The following GABPB2 variants were observed in gnomAD, a reference collection of about 807,000 sequenced individuals.
GABPB2 encodes GA-binding protein subunit beta-2.
In GABPB2, 23 loss-of-function variants were observed where a neutral mutation model predicts 39.1. The observed-to-expected ratio is 0.59, with a 90% CI of 0.42 to 0.83. The LOEUF (loss-of-function observed/expected upper bound fraction) is 0.83. Ranked by LOEUF, GABPB2 falls within the 40% of genes least tolerant of loss-of-function variation. GABPB2 has a pLI of 0.00. For missense variants in GABPB2, 467 were observed against 541.1 expected (o/e 0.86, Z 1.36); for synonymous variants, 184 against 199.3 (o/e 0.92, Z 0.65).
In GABPB2 at chr1:151,107,113, G is replaced by A. The variant is rs1196502204; in HGVS notation, c.813G>A (p.Arg271=). 3 of 1,612,890 alleles carry A rather than the reference G, an allele frequency of 1.9e-6. No individual in the cohort carries two copies. The African/African-American group carries it at 4.0e-5, about 22-fold the overall frequency. Residue 271 remains arginine (R), a synonymous_variant, in exon 7 of 9, where the codon AGG becomes AGA. Transcript: ENST00000368918. ...AAGTAATGGGGAGTGGAGGCCAGAG[G>A]GTCATCACCATAGTGACTGATGGAG... ...IQQVMGSGGQ[R]VITIVTDGVP...
chr1:151,091,858 C>T (rs1343356293), intron 3 of GABPB2, among the ~76,000 whole-genome samples: 1 of 152,084 alleles, frequency 6.6e-6, no homozygotes, highest in Non-Finnish European at 1.5e-5. Flanking sequence ...TAGCTCACTG[C>T]AGTTTTCAAC....
chr1:151,072,846 A>G (rs749648699), intron 1 of GABPB2, among the ~76,000 whole-genome samples: 3 of 151,570 alleles, frequency 2.0e-5, no homozygotes, highest in African/African-American at 4.9e-5. Flanking sequence ...AAACTCCATC[A>G]CAAACAAACA....
intron 1 of GABPB2, among the ~76,000 whole-genome samples, chr1:151,075,573 A>G: frequency 6.6e-6 from 1 of 150,414 alleles, no homozygotes; most frequent in Admixed American, 6.6e-5. Flanking sequence ...CAAAAAAAAA[A>G]AAAAAAAAAA....
rs149724326 is a variant in GABPB2, at chr1:151,086,926, C to T, written c.1-1264C>T. Among the ~76,000 whole-genome samples the T allele has an allele frequency of 2.0e-5, 3 of 152,322 alleles. No individual in the cohort carries two copies. In the East Asian group the frequency reaches 5.8e-4, roughly 29 times the overall value. ...CTGGAGTGCAGTGGTGCGATCTCAG[C>T]TCATTGCAACATCCACCTCCCAGGT... On this transcript the variant is annotated intron_variant, in intron 1 of 8. Transcript: ENST00000368918.
At chr1:151,088,951 G>T (rs1358290566) in intron 2 of GABPB2, among the ~76,000 whole-genome samples, 1 of 151,422 alleles carries the variant, frequency 6.6e-6, no homozygotes, top group Non-Finnish European at 1.5e-5. Flanking sequence ...AGTGAGCGGA[G>T]ATTGCACCAT....
intron 1 of GABPB2, among the ~76,000 whole-genome samples, chr1:151,074,400 TC>T (rs1189699260): frequency 4.6e-5 from 7 of 151,142 alleles, no homozygotes; most frequent in African/African-American, 1.7e-4. Context: ...AAGCTCCACT[TC>T]CTGGGTTCAC....
At position 151,119,920 on chromosome 1, in the gene GABPB2, C is replaced by CAA. The variant is rs752685829; in HGVS notation, c.*1678_*1679dup. 5.3e-5 allele frequency: 5 copies of CAA among 94,150 alleles called. No individual in the cohort carries two copies. The highest frequency in any genetic ancestry group is 3.0e-4 in the East Asian group (1 of 3,302). The allele number at this position is 94,150 out of a possible 1,614,324, so 5.8% of individuals were successfully genotyped here. ...TGGGCAACAGAGCCAGACTCTGTCT[C>CAA]AAAAAAAAAAAAAAAGGAAATTGAA... On this transcript the variant is annotated 3_prime_UTR_variant, in exon 9 of 9. Transcript: ENST00000368918.
At chr1:151,095,107 T>A (rs1003874982) in intron 4 of GABPB2, among the ~76,000 whole-genome samples, 2 of 151,362 alleles carry the variant, frequency 1.3e-5, no homozygotes, top group Non-Finnish European at 2.9e-5. Flanking sequence ...TAAATAGATA[T>A]CTAGTAAGTG....
intron 3 of GABPB2, among the ~76,000 whole-genome samples, chr1:151,092,777 A>G (rs1042843976): frequency 6.6e-5 from 10 of 151,866 alleles, no homozygotes; most frequent in African/African-American, 2.2e-4. Context: ...TTTTTTCACC[A>G]TGTTCCCCAG....
chr1:151,087,809 C>G (rs1558133846), intron 1 of GABPB2, among the ~76,000 whole-genome samples: 1 of 152,120 alleles, frequency 6.6e-6, no homozygotes, highest in Admixed American at 6.6e-5. Flanking sequence ...CCACCTTGCT[C>G]CCTTCCTGGA....
At chr1:151,071,095 GGGGAGGAAGGGGATGCTGTC>G (rs1237586126) in intron 1 of GABPB2, among the ~76,000 whole-genome samples, 161 bp downstream of exon 1, 2 of 152,122 alleles carry the variant, frequency 1.3e-5, no homozygotes. Flanking sequence ...GGAGGGGGAC[GGGGAGGAAGGGGATGCTGTC>G]GGGAGGAAGG....
At chr1:151,090,603 T>C in intron 3 of GABPB2, 30 bp downstream of exon 3, 1 of 1,603,754 alleles carries the variant, frequency 6.2e-7, no homozygotes, top group Non-Finnish European at 8.5e-7. Flanking sequence ...AAGGTTATGT[T>C]GTTAAAAAGG....
At chr1:151,082,353 ATGCGTGAGCCAC>A (rs1407326529) in intron 1 of GABPB2, among the ~76,000 whole-genome samples, 1 of 139,776 alleles carries the variant, frequency 7.2e-6, no homozygotes, top group Non-Finnish European at 1.5e-5. Context: ...CTAGGATTAC[ATGCGTGAGCCAC>A]TGCGTCTGGC....
At chr1:151,100,973 G>A (rs1328542954) in intron 5 of GABPB2, among the ~76,000 whole-genome samples, 3 of 152,046 alleles carry the variant, frequency 2.0e-5, no homozygotes, top group Admixed American at 6.6e-5. Context: ...GACTGGGTGC[G>A]ATGGCTCACG....
intron 1 of GABPB2, among the ~76,000 whole-genome samples, chr1:151,086,150 T>C (rs587629693): frequency 6.6e-6 from 1 of 152,064 alleles, no homozygotes; most frequent in East Asian, 1.9e-4. Context: ...GAAGCTGAGA[T>C]GGGAGGATCC....
At chr1:151,079,899 A>G (rs1177300737) in intron 1 of GABPB2, among the ~76,000 whole-genome samples, 2 of 151,182 alleles carry the variant, frequency 1.3e-5, no homozygotes, top group Non-Finnish European at 2.9e-5. Context: ...TGTCACACAC[A>G]CACACAAAAT....
intron 7 of GABPB2, among the ~76,000 whole-genome samples, chr1:151,107,489 T>A (rs1680058656): frequency 2.0e-5 from 3 of 150,934 alleles, no homozygotes; most frequent in Admixed American, 2.0e-4. Flanking sequence ...AAAAAAAATG[T>A]ACTGATGGCT....
rs1369897079 is a variant in GABPB2, at chr1:151,122,655, A to C, written c.*4399A>C. ...TACTGACTAAAGGCAGAGAATGTCC[A>C]TCCAACATGCCCTTCTGACTATACA... On this transcript the variant is annotated 3_prime_UTR_variant, in exon 9 of 9. Transcript: ENST00000368918. The C allele has an allele frequency of 1.3e-5, 2 of 152,152 alleles. No homozygotes were observed. Among genetic ancestry groups the C allele is most frequent in the Non-Finnish European group, 2.9e-5 (2 of 68,032 alleles). The allele number at this position is 152,152 out of a possible 1,614,324, so 9.4% of individuals were successfully genotyped here. A position where few individuals can be genotyped will look rare whatever the true frequency, so the allele number is the denominator to read the frequency against.
rs1337028874 is a variant in GABPB2, at chr1:151,122,258, C to T, written c.*4002C>T. On this transcript the variant is annotated 3_prime_UTR_variant, in exon 9 of 9. Coordinates refer to ENST00000368918, the MANE Select transcript of GABPB2 (RefSeq NM_144618.3). ...TTTCTCCACAGATCTGAGTACTTAA[C>T]ACTTCCCAGATGATTGGAGAATATT... 1 of 152,158 alleles carries T rather than the reference C, an allele frequency of 6.6e-6. No homozygotes were observed. Among genetic ancestry groups the T allele is most frequent in the East Asian group, 1.9e-4 (1 of 5,192 alleles). The allele number at this position is 152,158 out of a possible 1,614,324, so 9.4% of individuals were successfully genotyped here.
Sources: gnomAD v4.1 joint callset for allele counts (sites outside exome capture counted in the v4.1 genomes callset) on GRCh38, gnomAD v4.1.1 for gene constraint, MANE v1.5 for transcripts, NCBI Gene and HGNC (gene_info 2026-07-23, HGNC 2026-07-21) for gene names.